RNF212: variants seen among roughly 807,000 people sequenced by gnomAD.
RNF212 encodes probable E3 SUMO-protein ligase RNF212.
In RNF212, 33 loss-of-function variants were observed where a neutral mutation model predicts 34.7. That is an observed-to-expected ratio of 0.95 (90% CI 0.72 to 1.27). The LOEUF (loss-of-function observed/expected upper bound fraction) is 1.27. Among genes scored for constraint, RNF212 ranks in the 50% most tolerant of loss-of-function variants. The probability of loss-of-function intolerance (pLI) is 0.00; values close to 1 mark genes in which losing one functional copy is unlikely to be tolerated. For missense variants in RNF212, 377 were observed against 362.2 expected (o/e 1.04, Z -0.33); for synonymous variants, 140 against 136.1 (o/e 1.03, Z -0.20).
intron 2 of RNF212, among the ~76,000 whole-genome samples, chr4:1,106,367 C>T (rs1724842445): frequency 6.6e-6 from 1 of 151,788 alleles, no homozygotes; most frequent in East Asian, 1.9e-4. Flanking sequence ...TGTATTAAAC[C>T]ACAGTGAAAA....
At chr4:1,099,160 T>C (rs1400252432) in intron 2 of RNF212, among the ~76,000 whole-genome samples, 1 of 152,204 alleles carries the variant, frequency 6.6e-6, no homozygotes, top group Non-Finnish European at 1.5e-5. Context: ...GCACTCACAT[T>C]GCAGAGGGCC....
At chr4:1,058,777 C>G (rs534482239) in intron 3 of RNF212, among the ~76,000 whole-genome samples, 1 of 152,170 alleles carries the variant, frequency 6.6e-6, no homozygotes, top group African/African-American at 2.4e-5. Flanking sequence ...GCCCTCGGCC[C>G]GTGGGCTCTG....
At chr4:1,104,750 C>G (rs1233625541) in intron 2 of RNF212, among the ~76,000 whole-genome samples, 2 of 152,174 alleles carry the variant, frequency 1.3e-5, no homozygotes, top group African/African-American at 2.4e-5. Flanking sequence ...GCATGTGGCC[C>G]CTTCCCTCGG....
At chr4:1,099,459 G>C (rs1003953697) in intron 2 of RNF212, among the ~76,000 whole-genome samples, 1 of 152,260 alleles carries the variant, frequency 6.6e-6, no homozygotes, top group African/African-American at 2.4e-5. Context: ...AGCACTGTAT[G>C]GTGGGGCCTC....
At chr4:1,094,520 C>T (rs904918386) in intron 3 of RNF212, among the ~76,000 whole-genome samples, 2 of 152,184 alleles carry the variant, frequency 1.3e-5, no homozygotes, top group Non-Finnish European at 2.9e-5. Context: ...CTGGTAAAAG[C>T]TGCCAGGGGA....
intron 2 of RNF212, chr4:1,101,162 GCGA>G (rs1723921210): frequency 5.3e-6 from 1 of 187,090 alleles, no homozygotes; most frequent in South Asian, 1.2e-4. Context: ...TGGAGTGACT[GCGA>G]CCCCTAGACC....
intron 4 of RNF212, chr4:1,056,551 G>A: frequency 1.1e-6 from 1 of 920,904 alleles, no homozygotes; most frequent in Non-Finnish European, 1.3e-6. Context: ...AAAATAAGGT[G>A]GGGAGAAGAG....
At chr4:1,109,259 C>G (rs890363881) in intron 1 of RNF212, among the ~76,000 whole-genome samples, 13 of 152,182 alleles carry the variant, frequency 8.5e-5, no homozygotes, top group African/African-American at 3.1e-4. Context: ...CAGCCCACAT[C>G]GGTCTCTCAA....
At chr4:1,106,853 T>C (rs543531926) in intron 2 of RNF212, among the ~76,000 whole-genome samples, 1 of 152,348 alleles carries the variant, frequency 6.6e-6, no homozygotes, top group East Asian at 1.9e-4. Flanking sequence ...GCCCTTGCTT[T>C]TTCATTACTT....
At chr4:1,061,231 C>T (rs570884634) in intron 3 of RNF212, among the ~76,000 whole-genome samples, 2 of 152,200 alleles carry the variant, frequency 1.3e-5, no homozygotes, top group Admixed American at 6.5e-5. Flanking sequence ...CCCCCTACCC[C>T]ACTCTACCCA....
chr4:1,057,568 A>G (rs1717417261), intron 4 of RNF212, among the ~76,000 whole-genome samples: 2 of 152,178 alleles, frequency 1.3e-5, no homozygotes, highest in South Asian at 2.1e-4. Context: ...TAATTTACAC[A>G]CTGCCTGCCC....
chr4:1,062,621 T>C (rs1287554564), intron 3 of RNF212, among the ~76,000 whole-genome samples: 1 of 152,182 alleles, frequency 6.6e-6, no homozygotes, highest in Non-Finnish European at 1.5e-5. Context: ...TTGCCGCTTG[T>C]ATTCAACACT....
At chr4:1,106,179 G>A (rs1483144998) in intron 2 of RNF212, among the ~76,000 whole-genome samples, 1 of 152,006 alleles carries the variant, frequency 6.6e-6, no homozygotes, top group Non-Finnish European at 1.5e-5. Context: ...GGAAGAAAGA[G>A]CCCACACGGT....
intron 3 of RNF212, among the ~76,000 whole-genome samples, chr4:1,063,772 G>A (rs1717905378): frequency 6.6e-6 from 1 of 151,948 alleles, no homozygotes; most frequent in Non-Finnish European, 1.5e-5. Flanking sequence ...TACTCAGGAG[G>A]CTGAGGTGGG....
At chr4:1,089,484 G>A (rs2153050499) in intron 4 of RNF212, among the ~76,000 whole-genome samples, 2 of 152,338 alleles carry the variant, frequency 1.3e-5, no homozygotes, top group East Asian at 3.9e-4. Context: ...CCTTGTCTCT[G>A]ATGAGATTTT....
At chr4:1,093,803 T>C (rs1722593029) in intron 3 of RNF212, 2 of 1,535,668 alleles carry the variant, frequency 1.3e-6, no homozygotes, top group African/African-American at 2.7e-5. Context: ...GGTGAGGGGG[T>C]GAGGTGCGTC....
chr4:1,111,521 G>A (rs1460275991), intron 1 of RNF212, among the ~76,000 whole-genome samples: 1 of 152,080 alleles, frequency 6.6e-6, no homozygotes, highest in African/African-American at 2.4e-5. Flanking sequence ...GTCTAGCAGT[G>A]AAACCCTGTC....
At chr4:1,105,529 T>A (rs1031432434) in intron 2 of RNF212, among the ~76,000 whole-genome samples, 2 of 152,178 alleles carry the variant, frequency 1.3e-5, no homozygotes, top group Admixed American at 6.5e-5. Context: ...CGTCAGAGGG[T>A]CACTTTTACA....
intron 7 of RNF212, among the ~76,000 whole-genome samples, chr4:1,080,627 C>T (rs753462018): frequency 5.9e-5 from 9 of 152,308 alleles, no homozygotes; most frequent in East Asian, 3.9e-4. Flanking sequence ...AAACTCCTCA[C>T]GGGAAACCTG....
Sources: gnomAD v4.1 joint callset for allele counts (sites outside exome capture counted in the v4.1 genomes callset) on GRCh38, gnomAD v4.1.1 for gene constraint, MANE v1.5 for transcripts, NCBI Gene and HGNC (gene_info 2026-07-23, HGNC 2026-07-21) for gene names.